Variants in TIE1 observed in about 807,000 individuals in gnomAD.
TIE1 encodes the protein tyrosine-protein kinase receptor Tie-1.
TIE1 carries 89 observed loss-of-function variants against 130.5 expected under a neutral mutation model. The observed-to-expected ratio is 0.68, with a 90% CI of 0.57 to 0.81. The LOEUF (loss-of-function observed/expected upper bound fraction) is 0.81, where lower values mean the gene tolerates loss of function less well. Ranked by LOEUF, TIE1 falls within the 40% of genes least tolerant of loss-of-function variation. TIE1 has a pLI of 0.00. For synonymous variants in TIE1, 568 were observed against 629.4 expected, an observed-to-expected ratio of 0.90 and a Z score of 1.46; for missense variants, 1,392 against 1,559.8, an observed-to-expected ratio of 0.89 and a Z score of 1.81.
chr1:43,309,134 C>T lies in TIE1; in HGVS notation c.1188+3C>T, dbSNP rs1294794351. The T allele has an allele frequency of 6.3e-7, 1 of 1,586,316 alleles. No homozygotes were observed. Among genetic ancestry groups the T allele is most frequent in the Admixed American group, 1.7e-5 (1 of 58,574 alleles). ...AGCCAGACGGCACTGTGCTCCTGGT[C>T]AGCCCCCAATCACCCCAACCCACCA... On this transcript the variant is annotated splice_donor_region_variant and intron_variant, in intron 8 of 22. Coordinates refer to ENST00000372476, the MANE Select transcript of TIE1 (RefSeq NM_005424.5). The surrounding 1 kb of genome is among the most constrained non-coding windows in gnomAD (Gnocchi z 6.3).
rs528263519 is a variant in TIE1 at position 43,322,742 on chromosome 1, G to A, written c.*20G>A. ...GCCTGAGCTGCCATCCAGCCAGAAC[G>A]TGGCTCTGCTGGCCGGAGCAAACTC... On this transcript the variant is annotated 3_prime_UTR_variant, in exon 23 of 23. Coordinates refer to ENST00000372476, the MANE Select transcript of TIE1 (RefSeq NM_005424.5). The surrounding 1 kb of genome is among the most constrained non-coding windows in gnomAD (Gnocchi z 4.0). 1.1e-5 allele frequency: 17 copies of A among 1,611,960 alleles called. No homozygotes were observed. The highest frequency in any genetic ancestry group is 2.2e-5 in the East Asian group (1 of 44,872).
Position 43,319,600 on chromosome 1 carries a change from C to T in TIE1, c.3107+71C>T, listed in dbSNP as rs1646893920. On this transcript the variant is annotated intron_variant, in intron 19 of 22. Coordinates refer to ENST00000372476, the MANE Select transcript of TIE1 (RefSeq NM_005424.5). The surrounding 1 kb of genome is among the most constrained non-coding windows in gnomAD (Gnocchi z 4.7). ...TCACCCAGGCCTGACCTAGACATAT[C>T]TCAGAAATGTCATAGGTGGTCTAAG... The T allele has an allele frequency of 6.8e-7, 1 of 1,479,036 alleles. No individual in the cohort carries two copies. Among genetic ancestry groups the T allele is most frequent in the Non-Finnish European group, 9.5e-7 (1 of 1,057,972 alleles). 91.6% of individuals were successfully genotyped at this position (1,479,036 alleles called of 1,614,324 possible).
chr1:43,319,602 C>G lies in TIE1; in HGVS notation c.3107+73C>G. On this transcript the variant is annotated intron_variant, in intron 19 of 22. Transcript: ENST00000372476. This position sits in a 1 kb window ranked among gnomAD's most constrained non-coding sequence, Gnocchi z 4.7. ...ACCCAGGCCTGACCTAGACATATCT[C>G]AGAAATGTCATAGGTGGTCTAAGGC... The G allele has an allele frequency of 2.1e-6, 3 of 1,452,952 alleles. No homozygotes were observed. Among genetic ancestry groups the G allele is most frequent in the Non-Finnish European group, 2.9e-6 (3 of 1,034,276 alleles). 90.0% of individuals were successfully genotyped at this position (1,452,952 alleles called of 1,614,324 possible).
chr1:43,309,630 C>A lies in TIE1; in HGVS notation c.1333+98C>A. On this transcript the variant is annotated intron_variant, in intron 9 of 22. Coordinates refer to ENST00000372476, the MANE Select transcript of TIE1 (RefSeq NM_005424.5). The surrounding 1 kb of genome is among the most constrained non-coding windows in gnomAD (Gnocchi z 6.3). ...GAGATACTAGCAGGAAGGACAAGGA[C>A]ATCTAAGGTCATAGCCTAGCACCAG... is the stretch of plus-strand genomic sequence containing the variant. 7.0e-7 allele frequency: 1 copy of A among 1,427,692 alleles called. No homozygotes were observed. The highest frequency in any genetic ancestry group is 9.2e-7 in the Non-Finnish European group (1 of 1,081,096). The allele number at this position is 1,427,692 out of a possible 1,614,324, so 88.4% of individuals were successfully genotyped here. A position where few individuals can be genotyped will look rare whatever the true frequency, so the allele number is the denominator to read the frequency against.
chr1:43,321,704 G>A lies in TIE1; in HGVS notation c.3334G>A (p.Glu1112Lys). The A allele has an allele frequency of 1.3e-6, 2 of 1,552,450 alleles. No individual in the cohort carries two copies. The highest frequency in any genetic ancestry group is 8.7e-7 in the Non-Finnish European group (1 of 1,147,354). The change falls in exon 22 of 23, where the codon GAA becomes AAA. Residue 1112 changes from glutamate to lysine, a missense_variant. Around this residue, in one of 6 missense-constraint regions of TIE1, gnomAD observed 104 missense variants for 129.3 expected, o/e 0.80. Coordinates refer to ENST00000372476, the MANE Select transcript of TIE1 (RefSeq NM_005424.5). Reference sequence around the variant, plus strand: ...TGCGCTACAGCTAGGCCGCATGCTGGAAGCCAGGAAGGTGAGGAGACTGGG... The same window carrying A: ...TGCGCTACAGCTAGGCCGCATGCTGAAAGCCAGGAAGGTGAGGAGACTGGG... The part of the protein sequence containing the change: ...QIALQLGRML[E>K]ARKAYVNMSL...
chr1:43,312,362 G>A lies in TIE1; in HGVS notation c.1688G>A (p.Arg563Gln), dbSNP rs933974045. ...GWHVEGTDRLRVSWSLPLVPG... is the reference protein window; with the variant it reads ...GWHVEGTDRLQVSWSLPLVPG... The stretch of plus-strand genomic sequence containing the variant: ...CATGTGGAAGGCACTGACCGGCTGC[G>A]AGTGAGCTGGTCCTTGCCCTTGGTG... The change falls in exon 12 of 23, where the codon CGA becomes CAA. Residue 563 changes from arginine to glutamine, a missense_variant. Physicochemically the swap from Arg to Gln is conservative, Grantham distance 43. Coordinates refer to ENST00000372476, the MANE Select transcript of TIE1 (RefSeq NM_005424.5). This position sits in a 1 kb window ranked among gnomAD's most constrained non-coding sequence, Gnocchi z 5.6. The A allele has an allele frequency of 1.4e-5, 22 of 1,583,566 alleles. No homozygotes were observed. Among genetic ancestry groups the A allele is most frequent in the Admixed American group, 6.9e-5 (4 of 58,362 alleles).
Position 43,313,553 on chromosome 1 carries a change from C to T in TIE1, c.2218+128C>T. ...GCCCCTCCTGACAAAGAGTCAGCCC[C>T]AGTCCTGGGGACTCAGCCTTCCATT... On this transcript the variant is annotated intron_variant, in intron 13 of 22. Transcript: ENST00000372476. This position sits in a 1 kb window ranked among gnomAD's most constrained non-coding sequence, Gnocchi z 6.2. The T allele has an allele frequency of 1.6e-6, 2 of 1,270,108 alleles. No homozygotes were observed. The highest frequency in any genetic ancestry group is 2.2e-6 in the Non-Finnish European group (2 of 924,634). 78.7% of individuals were successfully genotyped at this position (1,270,108 alleles called of 1,614,324 possible). A position where few individuals can be genotyped will look rare whatever the true frequency, so the allele number is the denominator to read the frequency against.
rs1018360685 is a variant in TIE1, at chr1:43,313,570, C to G, written c.2218+145C>G. 8 of 1,157,008 alleles carry G rather than the reference C, an allele frequency of 6.9e-6. No homozygotes were observed. The highest frequency in any genetic ancestry group is 6.2e-5 in the South Asian group (4 of 64,412). The allele number at this position is 1,157,008 out of a possible 1,614,324, so 71.7% of individuals were successfully genotyped here. On this transcript the variant is annotated intron_variant, in intron 13 of 22. Coordinates refer to ENST00000372476, the MANE Select transcript of TIE1 (RefSeq NM_005424.5). The surrounding 1 kb of genome is among the most constrained non-coding windows in gnomAD (Gnocchi z 6.2). ...GTCAGCCCCAGTCCTGGGGACTCAG[C>G]CTTCCATTCTCATGATCCACTGTCC...
Position 43,305,011 on chromosome 1 carries a change from G to A in TIE1, c.219G>A (p.Pro73=). 1 of 1,550,626 alleles carries A rather than the reference G, an allele frequency of 6.4e-7. No homozygotes were observed. The highest frequency in any genetic ancestry group is 8.7e-7 in the Non-Finnish European group (1 of 1,146,956). ...LEKDDRIVRT[P]PGPPLRLARN... is the part of the protein sequence containing the mutation. ...AGGACGACCGTATCGTGCGCACCCC[G>A]CCCGGGCCACCCCTGCGCCTGGCGC... is the stretch of plus-strand genomic sequence containing the variant. Residue 73 remains proline (P), a synonymous_variant, in exon 2 of 23, where the codon CCG becomes CCA. Transcript: ENST00000372476.
rs756466702 is a variant in TIE1 at position 43,317,815 on chromosome 1, C to T, written c.2732-67C>T. ...CTCCTTCATCCCTGTCTGTTACCAT[C>T]GGGTGCCTGCTCCCACCCTAGGTTG... is the stretch of plus-strand genomic sequence containing the variant. On this transcript the variant is annotated intron_variant, in intron 16 of 22. Coordinates refer to ENST00000372476, the MANE Select transcript of TIE1 (RefSeq NM_005424.5). The surrounding 1 kb of genome is among the most constrained non-coding windows in gnomAD (Gnocchi z 5.1). 69 of 1,551,390 alleles carry T rather than the reference C, an allele frequency of 4.4e-5. No homozygotes were observed. Among genetic ancestry groups the T allele is most frequent in the African/African-American group, 2.6e-4 (19 of 73,706 alleles).
At position 43,301,127 on chromosome 1, in the gene TIE1, T is replaced by C; in HGVS notation, c.56T>C (p.Val19Ala). 2 of 1,613,370 alleles carry C rather than the reference T, an allele frequency of 1.2e-6. No individual in the cohort carries two copies. The highest frequency in any genetic ancestry group is 1.1e-5 in the South Asian group (1 of 90,838). Residue 19 changes from valine to alanine, a missense_variant and splice_region_variant, in exon 1 of 23, where the codon GTG (valine) becomes GCG (alanine). By Grantham distance (64) the Val-to-Ala change is moderately conservative. Coordinates refer to ENST00000372476, the MANE Select transcript of TIE1 (RefSeq NM_005424.5). ...LLPILFLASH[V>A]GAAVDLTLLA... Reference sequence around the variant, plus strand: ...CCCATCCTCTTCTTGGCTTCTCATGTGGGTAAGTCTCCCCTGAGTCCCTCA... The same window carrying C: ...CCCATCCTCTTCTTGGCTTCTCATGCGGGTAAGTCTCCCCTGAGTCCCTCA...
Position 43,313,718 on chromosome 1 carries a change from G to A in TIE1, c.2219-60G>A. On this transcript the variant is annotated intron_variant, in intron 13 of 22. Coordinates refer to ENST00000372476, the MANE Select transcript of TIE1 (RefSeq NM_005424.5). This position sits in a 1 kb window ranked among gnomAD's most constrained non-coding sequence, Gnocchi z 6.2. ...ACCTCTCCCTCTGTGTAACCCCATGGTGGCCTCTGGGTTCCCTGACCCAGG... is the reference window on the plus strand; with the variant it reads ...ACCTCTCCCTCTGTGTAACCCCATGATGGCCTCTGGGTTCCCTGACCCAGG... 1 of 1,522,700 alleles carries A rather than the reference G, an allele frequency of 6.6e-7. No individual in the cohort carries two copies. The highest frequency in any genetic ancestry group is 8.9e-7 in the Non-Finnish European group (1 of 1,128,076). The allele number at this position is 1,522,700 out of a possible 1,614,324, so 94.3% of individuals were successfully genotyped here.
chr1:43,321,268 G>A lies in TIE1; in HGVS notation c.3108-1G>A. On this transcript the variant is annotated splice_acceptor_variant, in intron 19 of 22. Coordinates refer to ENST00000372476, the MANE Select transcript of TIE1 (RefSeq NM_005424.5). LOFTEE classifies it high-confidence loss of function. ...AACTAAGTGCATCCTTCTTATTTCA[G>A]CTGGTCCTTTGGAGTCCTTCTTTGG... 6.2e-7 allele frequency: 1 copy of A among 1,614,118 alleles called. No homozygotes were observed. Among genetic ancestry groups the A allele is most frequent in the Non-Finnish European group, 8.5e-7 (1 of 1,180,026 alleles).
In TIE1 at chr1:43,319,803, A is replaced by C; in HGVS notation, c.3107+274A>C. 1 of 470,084 alleles carries C rather than the reference A, an allele frequency of 2.1e-6. No homozygotes were observed. Among genetic ancestry groups the C allele is most frequent in the Non-Finnish European group, 3.9e-6 (1 of 255,706 alleles). The allele number at this position is 470,084 out of a possible 1,614,324, so 29.1% of individuals were successfully genotyped here. On this transcript the variant is annotated intron_variant, in intron 19 of 22. Coordinates refer to ENST00000372476, the MANE Select transcript of TIE1 (RefSeq NM_005424.5). The surrounding 1 kb of genome is among the most constrained non-coding windows in gnomAD (Gnocchi z 4.7). Reference sequence around the variant, plus strand: ...GGGGGATGCCTTGGAGAGGTTTGGGAATGCTGGCGGATGCTTCCTGAGGTA... The same window carrying C: ...GGGGGATGCCTTGGAGAGGTTTGGGCATGCTGGCGGATGCTTCCTGAGGTA...
At chr1:43,310,677 G>T (rs1187589871) in intron 9 of TIE1, among the ~76,000 whole-genome samples, 1 of 152,140 alleles carries the variant, frequency 6.6e-6, no homozygotes, top group African/African-American at 2.4e-5. Flanking sequence ...TGAAGTTGGT[G>T]TGGAAAGTAG....
intron 19 of TIE1, among the ~76,000 whole-genome samples, chr1:43,321,053 AAC>A (rs1570454938): frequency 1.9e-5 from 2 of 106,998 alleles, no homozygotes; most frequent in African/African-American, 6.5e-5. Flanking sequence ...AAAAAAAAAA[AAC>A]AAAACAAAAG....
Position 43,321,386 on chromosome 1 carries a change from C to G in TIE1, c.3149-10C>G. 6.2e-7 allele frequency: 1 copy of G among 1,613,922 alleles called. No homozygotes were observed. Among genetic ancestry groups the G allele is most frequent in the Middle Eastern group, 1.6e-4 (1 of 6,062 alleles). ...GCCCTGGACCGAGAGCACTTTGTCC[C>G]CTCCTGCAGGAGGTACACCCTACTG... On this transcript the variant is annotated splice_polypyrimidine_tract_variant and intron_variant, in intron 20 of 22. Coordinates refer to ENST00000372476, the MANE Select transcript of TIE1 (RefSeq NM_005424.5).
Position 43,309,047 on chromosome 1 carries a change from C to T in TIE1, c.1104C>T (p.Pro368=), listed in dbSNP as rs755123769. Residue 368 remains proline (P), a synonymous_variant, in exon 8 of 23, where the codon CCC becomes CCT. Coordinates refer to ENST00000372476, the MANE Select transcript of TIE1 (RefSeq NM_005424.5). This position sits in a 1 kb window ranked among gnomAD's most constrained non-coding sequence, Gnocchi z 6.3. ...TGGAGTTCAACTTAGAGACGATGCC[C>T]CGGATCAACTGTGCAGCTGCAGGGA... The part of the protein sequence containing the change: ...SELEFNLETM[P]RINCAAAGNP... 2 of 1,614,046 alleles carry T rather than the reference C, an allele frequency of 1.2e-6. No individual in the cohort carries two copies. The highest frequency in any genetic ancestry group is 1.7e-5 in the Admixed American group (1 of 60,014).
rs1646893256 is a variant in TIE1 at position 43,319,544 on chromosome 1, A to T, written c.3107+15A>T. ...AAGAGTGATGTGTGAGTGTGAGATG[A>T]GAGGGCACAGGAGGGCTTGGCCCCC... On this transcript the variant is annotated intron_variant, in intron 19 of 22. Coordinates refer to ENST00000372476, the MANE Select transcript of TIE1 (RefSeq NM_005424.5). The surrounding 1 kb of genome is among the most constrained non-coding windows in gnomAD (Gnocchi z 4.7). The T allele has an allele frequency of 6.2e-7, 1 of 1,613,378 alleles. No individual in the cohort carries two copies. The highest frequency in any genetic ancestry group is 1.3e-5 in the African/African-American group (1 of 74,868).
Sources: allele counts gnomAD v4.1 joint callset (sites outside exome capture counted in the v4.1 genomes callset), GRCh38; gene constraint gnomAD v4.1.1; regional missense constraint gnomAD v4.1.1; non-coding constraint Gnocchi (gnomAD v3.1); transcripts MANE v1.5; gene names NCBI Gene and HGNC (gene_info 2026-07-23, HGNC 2026-07-21).